ME1: variants seen among roughly 807,000 people sequenced by gnomAD.
ME1 encodes the protein NADP-dependent malic enzyme.
ME1 carries 74 observed loss-of-function variants against 66.4 expected under a neutral mutation model. The observed-to-expected ratio is 1.11, with a 90% CI of 0.92 to 1.35. The LOEUF is 1.35. Among genes scored for constraint, ME1 ranks in the 40% most tolerant of loss-of-function variants. ME1 has a pLI of 0.00. For missense variants in ME1, 750 were observed against 694.1 expected (o/e 1.08, Z -0.90); for synonymous variants, 251 against 235.6 (o/e 1.07, Z -0.60).
chr6:83,268,242 A>T (rs546871925), intron 6 of ME1, among the ~76,000 whole-genome samples: 1 of 152,308 alleles, frequency 6.6e-6, no homozygotes, highest in Non-Finnish European at 1.5e-5. Flanking sequence ...AAATGCCTGG[A>T]AAATCTAAAT....
intron 12 of ME1, among the ~76,000 whole-genome samples, chr6:83,220,154 A>G (rs1371838431): frequency 6.6e-6 from 1 of 152,200 alleles, no homozygotes; most frequent in Non-Finnish European, 1.5e-5. Context: ...TTTTAAAGAG[A>G]TTGGAGACAG....
rs549395348 is a variant in ME1, at chr6:83,261,977, G to A, written c.705-8239C>T. ...TGCAGTGAGCCGTGATTGCACCACC[G>A]CACTCCAGCCTGGGCAACAGAGCGA... On this transcript the variant is annotated intron_variant, in intron 6 of 13. Transcript: ENST00000369705. Among the ~76,000 whole-genome samples the A allele has an allele frequency of 8.0e-5, 11 of 137,368 alleles. No homozygotes were observed. In the East Asian group the frequency reaches 8.4e-4, roughly 10 times the overall value. 90.1% of individuals were successfully genotyped at this position (137,368 alleles called of 152,430 possible).
At chr6:83,399,596 TTGTATC>T (rs1488444380) in intron 2 of ME1, among the ~76,000 whole-genome samples, 1 of 152,218 alleles carries the variant, frequency 6.6e-6, no homozygotes, top group Admixed American at 6.5e-5. Flanking sequence ...AAACTTTTCT[TTGTATC>T]TGTATCTTAT....
At chr6:83,382,101 C>T (rs1365011139) in intron 3 of ME1, among the ~76,000 whole-genome samples, 1 of 151,992 alleles carries the variant, frequency 6.6e-6, no homozygotes, top group Non-Finnish European at 1.5e-5. Flanking sequence ...TAAACTATCT[C>T]CTTACAGGCA....
intron 3 of ME1, chr6:83,392,405 C>A: frequency 2.0e-6 from 1 of 491,998 alleles, no homozygotes. Context: ...CAGCTGCATC[C>A]CTGAGACACC....
chr6:83,291,737 C>T (rs1767507488), intron 6 of ME1, among the ~76,000 whole-genome samples: 1 of 152,158 alleles, frequency 6.6e-6, no homozygotes, highest in African/African-American at 2.4e-5. Flanking sequence ...TCCATTCTCC[C>T]TGTCACTTTC....
intron 5 of ME1, among the ~76,000 whole-genome samples, chr6:83,343,194 C>G (rs1236215423): frequency 2.0e-5 from 3 of 152,162 alleles, no homozygotes; most frequent in Non-Finnish European, 4.4e-5. Flanking sequence ...CCCTTCCCAG[C>G]CTTTGGCAAC....
intron 1 of ME1, among the ~76,000 whole-genome samples, chr6:83,425,706 A>G (rs1770358389): frequency 6.6e-6 from 1 of 152,214 alleles, no homozygotes; most frequent in South Asian, 2.1e-4. Context: ...GACAAACCAT[A>G]TCAAACACAC....
chr6:83,430,799 T>C, intron 1 of ME1, 78 bp downstream of exon 1: 7 of 1,273,720 alleles, frequency 5.5e-6, no homozygotes, highest in Non-Finnish European at 6.6e-6. Flanking sequence ...GGCGAGGCCA[T>C]GGTGCGGGGA....
At chr6:83,430,740 C>T in intron 1 of ME1, 137 bp downstream of exon 1, 1 of 693,732 alleles carries the variant, frequency 1.4e-6, no homozygotes, top group Non-Finnish European at 2.4e-6. Flanking sequence ...ACCAAGGCCC[C>T]CCAGGCCGCG....
chr6:83,396,581 AGAGTTCCAAT>A (rs1420111553), intron 3 of ME1, among the ~76,000 whole-genome samples: 1 of 152,232 alleles, frequency 6.6e-6, no homozygotes, highest in Non-Finnish European at 1.5e-5. Context: ...AATCCCTATC[AGAGTTCCAAT>A]GACATTTTTT....
intron 1 of ME1, among the ~76,000 whole-genome samples, chr6:83,414,008 G>A (rs1316018640): frequency 6.6e-6 from 1 of 151,482 alleles, no homozygotes; most frequent in Non-Finnish European, 1.5e-5. Context: ...CTACTCAAGA[G>A]GCTGAGGTGG....
At chr6:83,415,139 A>C (rs1466101712) in intron 1 of ME1, among the ~76,000 whole-genome samples, 2 of 152,208 alleles carry the variant, frequency 1.3e-5, no homozygotes, top group Non-Finnish European at 2.9e-5. Context: ...TATAGTGATT[A>C]CTCATATAAT....
intron 3 of ME1, among the ~76,000 whole-genome samples, chr6:83,376,324 C>G (rs1769288105): frequency 6.6e-6 from 1 of 151,812 alleles, no homozygotes; most frequent in Non-Finnish European, 1.5e-5. Context: ...TGGTGAAACC[C>G]CATCTCTACT....
At chr6:83,317,395 G>T (rs1331932914) in intron 5 of ME1, among the ~76,000 whole-genome samples, 5 of 151,706 alleles carry the variant, frequency 3.3e-5, no homozygotes, top group Non-Finnish European at 7.4e-5. Flanking sequence ...TTGTAAGTTG[G>T]ATTCCTAGGT....
intron 5 of ME1, among the ~76,000 whole-genome samples, chr6:83,319,216 G>A (rs1385216946): frequency 1.3e-5 from 2 of 151,466 alleles, no homozygotes; most frequent in Non-Finnish European, 2.9e-5. Flanking sequence ...TGACGAGTTA[G>A]TGGGTGCAGC....
intron 6 of ME1, among the ~76,000 whole-genome samples, chr6:83,267,909 G>C (rs1167152313): frequency 6.6e-6 from 1 of 152,108 alleles, no homozygotes; most frequent in Non-Finnish European, 1.5e-5. Flanking sequence ...AAGCCAATAG[G>C]TCCAACATTC....
At chr6:83,214,477 G>A (rs73749757) in intron 13 of ME1, among the ~76,000 whole-genome samples, 2,106 of 152,230 alleles carry the variant, frequency 0.014, 52 homozygotes, top group African/African-American at 0.048. Context: ...GGCTGTGTTG[G>A]TCACAATTTC....
intron 6 of ME1, among the ~76,000 whole-genome samples, chr6:83,289,003 T>C (rs1252730453): frequency 6.6e-6 from 1 of 152,340 alleles, no homozygotes; most frequent in Admixed American, 6.5e-5. Flanking sequence ...TGATTTTGTA[T>C]CCTGAGACTT....
Sources: gnomAD v4.1 joint callset for allele counts (sites outside exome capture counted in the v4.1 genomes callset) on GRCh38, gnomAD v4.1.1 for gene constraint, MANE v1.5 for transcripts, NCBI Gene and HGNC (gene_info 2026-07-23, HGNC 2026-07-21) for gene names.